FHIT: variants seen among roughly 807,000 people sequenced by gnomAD.
The protein encoded by FHIT is bis(5'-adenosyl)-triphosphatase.
Under a neutral mutation model 17.9 loss-of-function variants are expected in FHIT, and 19 were observed. The observed-to-expected ratio is 1.06, with a 90% confidence interval of 0.74 to 1.56. FHIT has a LOEUF of 1.56. Ranked by LOEUF, FHIT falls within the 40% of genes most tolerant of loss-of-function variation. FHIT has a pLI of 0.00. For synonymous variants in FHIT, 81 were observed against 69.7 expected, an observed-to-expected ratio of 1.16 and a Z score of -0.81; for missense variants, 248 against 189.2, an observed-to-expected ratio of 1.31 and a Z score of -1.82.
chr3:60,362,856 CA>C (rs1195053919), intron 5 of FHIT, among the ~76,000 whole-genome samples: 1 of 152,052 alleles, frequency 6.6e-6, no homozygotes, highest in Non-Finnish European at 1.5e-5. Flanking sequence ...AAATCCCAAA[CA>C]AAAAGAGGGG....
At chr3:61,184,430 G>T (rs1316388369) in intron 2 of FHIT, among the ~76,000 whole-genome samples, 1 of 152,142 alleles carries the variant, frequency 6.6e-6, no homozygotes, top group African/African-American at 2.4e-5. Context: ...CTGCTAGAGA[G>T]TCCTCCAGAG....
intron 4 of FHIT, among the ~76,000 whole-genome samples, chr3:60,542,022 T>C (rs1236886702): frequency 6.6e-6 from 1 of 152,214 alleles, no homozygotes; most frequent in Non-Finnish European, 1.5e-5. Context: ...TTTTCATAAT[T>C]AATGTATTAT....
At chr3:59,966,066 G>C (rs932779630) in intron 7 of FHIT, among the ~76,000 whole-genome samples, 2 of 152,196 alleles carry the variant, frequency 1.3e-5, no homozygotes, top group Admixed American at 1.3e-4. Flanking sequence ...AAGGTATCCA[G>C]AGAAAGATAA....
intron 2 of FHIT, among the ~76,000 whole-genome samples, chr3:61,196,988 G>A (rs2038870586): frequency 6.6e-6 from 1 of 152,172 alleles, no homozygotes; most frequent in African/African-American, 2.4e-5. Context: ...CCATGGTGCA[G>A]AGCCATTTAG....
chr3:60,677,900 A>G (rs1458450910), intron 4 of FHIT, among the ~76,000 whole-genome samples: 2 of 152,148 alleles, frequency 1.3e-5, no homozygotes, highest in Non-Finnish European at 2.9e-5. Context: ...TTGGGCAGTC[A>G]TATGTTTACA....
At chr3:59,960,525 A>T (rs1707621581) in intron 7 of FHIT, among the ~76,000 whole-genome samples, 1 of 152,152 alleles carries the variant, frequency 6.6e-6, no homozygotes, top group Non-Finnish European at 1.5e-5. Flanking sequence ...TAGGTTTTAC[A>T]TGTTAGGAGT....
At chr3:60,566,429 C>G (rs1316217566) in intron 4 of FHIT, among the ~76,000 whole-genome samples, 1 of 152,116 alleles carries the variant, frequency 6.6e-6, no homozygotes. Flanking sequence ...TAAAAACTCT[C>G]AATAAATGAG....
At chr3:61,237,894 T>C (rs2040271921) in intron 1 of FHIT, among the ~76,000 whole-genome samples, 1 of 152,208 alleles carries the variant, frequency 6.6e-6, no homozygotes. Flanking sequence ...AATTCCTCTC[T>C]CAAGGGTCCC....
At chr3:59,956,977 A>C (rs1707435051) in intron 7 of FHIT, among the ~76,000 whole-genome samples, 1 of 152,170 alleles carries the variant, frequency 6.6e-6, no homozygotes, top group East Asian at 1.9e-4. Flanking sequence ...ATTGATTTTG[A>C]GACTTATTGT....
At chr3:60,418,418 ATATATATACG>A (rs1188842090) in intron 5 of FHIT, among the ~76,000 whole-genome samples, 12 of 38,372 alleles carry the variant, frequency 3.1e-4, no homozygotes, top group Admixed American at 3.8e-4. Flanking sequence ...ATATATATAT[ATATATATACG>A]TGTATACACA....
intron 5 of FHIT, among the ~76,000 whole-genome samples, chr3:60,374,672 G>A (rs1259573671): frequency 6.6e-6 from 1 of 151,378 alleles, no homozygotes; most frequent in African/African-American, 2.4e-5. Context: ...TGGAGCTAGA[G>A]AATATGCATA....
At chr3:60,276,063 C>A (rs911682239) in intron 5 of FHIT, among the ~76,000 whole-genome samples, 48 of 151,786 alleles carry the variant, frequency 3.2e-4, no homozygotes, top group African/African-American at 9.4e-4. Flanking sequence ...TCTCGGCTCA[C>A]TGCAAGCTCT....
intron 5 of FHIT, among the ~76,000 whole-genome samples, chr3:60,195,433 T>A (rs769702145): frequency 6.6e-6 from 1 of 150,902 alleles, no homozygotes; most frequent in Non-Finnish European, 1.5e-5. Context: ...AAGTAAGTCA[T>A]GAGATCAAAA....
At chr3:60,326,161 G>A (rs561589533) in intron 5 of FHIT, among the ~76,000 whole-genome samples, 2 of 151,864 alleles carry the variant, frequency 1.3e-5, no homozygotes, top group Non-Finnish European at 2.9e-5. Flanking sequence ...GCTGGCAGGG[G>A]GGTGGTGATG....
chr3:60,113,593 C>T (rs754689083), intron 5 of FHIT, among the ~76,000 whole-genome samples: 22 of 151,736 alleles, frequency 1.4e-4, no homozygotes, highest in Non-Finnish European at 7.4e-5. Context: ...TAAGATTCTA[C>T]GATGACAGCT....
At chr3:61,112,833 A>T (rs1359401911) in intron 2 of FHIT, among the ~76,000 whole-genome samples, 2 of 152,190 alleles carry the variant, frequency 1.3e-5, no homozygotes, top group Non-Finnish European at 2.9e-5. Context: ...AACGGTCAAG[A>T]GGCTGATGAG....
At chr3:61,202,796 A>C (rs1251866529) in intron 1 of FHIT, among the ~76,000 whole-genome samples, 1 of 152,178 alleles carries the variant, frequency 6.6e-6, no homozygotes, top group Non-Finnish European at 1.5e-5. Flanking sequence ...TCACGCCTGT[A>C]ATCCCAGCAC....
At chr3:59,947,655 C>G (rs1706881914) in intron 7 of FHIT, among the ~76,000 whole-genome samples, 1 of 152,070 alleles carries the variant, frequency 6.6e-6, no homozygotes, top group African/African-American at 2.4e-5. Flanking sequence ...CCTGGGGGGG[C>G]TGGTACCAGT....
chr3:59,840,489 C>G (rs1392367063), intron 8 of FHIT, among the ~76,000 whole-genome samples: 2 of 151,976 alleles, frequency 1.3e-5, no homozygotes, highest in South Asian at 2.1e-4. Flanking sequence ...TTATCTTTAA[C>G]CCATTGTAAA....
Sources: gnomAD v4.1 joint callset for allele counts (sites outside exome capture counted in the v4.1 genomes callset) on GRCh38, gnomAD v4.1.1 for gene constraint, MANE v1.5 for transcripts, NCBI Gene and HGNC (gene_info 2026-07-23, HGNC 2026-07-21) for gene names.